The following CCDC50 variants were observed in gnomAD, a reference collection of about 807,000 sequenced individuals.
CCDC50 encodes coiled-coil domain containing 50.
A neutral mutation model predicts 70.2 loss-of-function variants in CCDC50; 54 were observed. That is an observed-to-expected ratio of 0.77 (90% CI 0.62 to 0.96). The LOEUF is 0.96. Ranked by LOEUF, CCDC50 falls within the 50% of genes least tolerant of loss-of-function variation. The probability of loss-of-function intolerance (pLI) is 0.00; values close to 1 mark genes in which losing one functional copy is unlikely to be tolerated. For synonymous variants in CCDC50, 216 were observed against 198.8 expected, an observed-to-expected ratio of 1.09 and a Z score of -0.73; for missense variants, 558 against 578.7, an observed-to-expected ratio of 0.96 and a Z score of 0.37.
Position 191,329,608 on chromosome 3 carries a change from G to C in CCDC50, c.-67G>C. 6.5e-7 allele frequency: 1 copy of C among 1,537,996 alleles called. No individual in the cohort carries two copies. The highest frequency in any genetic ancestry group is 8.8e-7 in the Non-Finnish European group (1 of 1,133,798). The stretch of plus-strand genomic sequence containing the variant: ...GTCCGGCGCTGCTGCTGCGCTCGGG[G>C]CCCCGCTCGGCGCCGGCGGTGACCG... On this transcript the variant is annotated 5_prime_UTR_variant, in exon 1 of 12. Transcript: ENST00000392455.
chr3:191,330,215 C>A (rs1012327527), intron 1 of CCDC50, among the ~76,000 whole-genome samples: 2 of 152,100 alleles, frequency 1.3e-5, no homozygotes, highest in Admixed American at 6.5e-5. Flanking sequence ...GACTTTCCCA[C>A]CTTCCTCAAG....
chr3:191,394,753 A>G lies in CCDC50; in HGVS notation c.*2993A>G, dbSNP rs1713808962. The G allele has an allele frequency of 1.3e-5, 2 of 152,196 alleles. No homozygotes were observed. The highest frequency in any genetic ancestry group is 4.1e-4 in the South Asian group (2 of 4,828). The allele number at this position is 152,196 out of a possible 1,614,324, so 9.4% of individuals were successfully genotyped here. A position where few individuals can be genotyped will look rare whatever the true frequency, so the allele number is the denominator to read the frequency against. ...TTGTTTGGAAGTAAAGTTAGATAAG[A>G]GTCAAATTAAATGTTTTGACTTGAA... On this transcript the variant is annotated 3_prime_UTR_variant, in exon 12 of 12. Transcript: ENST00000392455.
At chr3:191,343,717 T>C (rs964017213) in intron 1 of CCDC50, among the ~76,000 whole-genome samples, 1 of 152,236 alleles carries the variant, frequency 6.6e-6, no homozygotes, top group Non-Finnish European at 1.5e-5. Flanking sequence ...CATTTAACTT[T>C]CAGGGCCAGT....
chr3:191,379,490 T>C (rs1417713852), intron 6 of CCDC50, among the ~76,000 whole-genome samples: 1 of 152,126 alleles, frequency 6.6e-6, no homozygotes, highest in African/African-American at 2.4e-5. Context: ...TTTATAGGAA[T>C]AAATTGGAAT....
chr3:191,349,675 A>G lies in CCDC50; in HGVS notation c.50-7413A>G. ...CGGTAAAAGCCCAGACTTCACTACTAGACAGTATATCCATATAACTAAGCT... is the reference window on the plus strand; with the variant it reads ...CGGTAAAAGCCCAGACTTCACTACTGGACAGTATATCCATATAACTAAGCT... On this transcript the variant is annotated intron_variant, in intron 1 of 11. Transcript: ENST00000392455. Among the ~76,000 whole-genome samples, 2 of 141,874 alleles carry G rather than the reference A, an allele frequency of 1.4e-5. 1 individual carries two copies. Among genetic ancestry groups the G allele is most frequent in the Non-Finnish European group, 3.2e-5 (2 of 62,902 alleles). 93.1% of individuals were successfully genotyped at this position (141,874 alleles called of 152,430 possible).
intron 10 of CCDC50, among the ~76,000 whole-genome samples, chr3:191,384,022 A>G (rs1476143490): frequency 1.3e-5 from 2 of 152,176 alleles, no homozygotes; most frequent in Admixed American, 6.5e-5. Flanking sequence ...TCTTTAGAAT[A>G]CTAATACCAT....
intron 1 of CCDC50, among the ~76,000 whole-genome samples, chr3:191,352,289 C>T (rs1417716004): frequency 7.1e-6 from 1 of 141,450 alleles, no homozygotes; most frequent in Non-Finnish European, 1.6e-5. Context: ...CATACTATGC[C>T]ATTCATGTAT....
Position 191,375,078 on chromosome 3 carries a change from G to T in CCDC50, c.465G>T (p.Arg155Ser). 6.2e-7 allele frequency: 1 copy of T among 1,613,434 alleles called. No homozygotes were observed. ...TCCACTCAGACCAACCAGGGTCAAGGAGGGCCAGGGAATTGGGTTCTGGAT... is the reference window on the plus strand; with the variant it reads ...TCCACTCAGACCAACCAGGGTCAAGTAGGGCCAGGGAATTGGGTTCTGGAT... ...YYEDGDQPGS[R>S]RARELGSGFS... The change falls in exon 6 of 12, where the codon AGG becomes AGT. Residue 155 changes from arginine (R) to serine (S), a missense_variant. Arg to Ser is a moderately radical substitution (Grantham distance 110). Transcript: ENST00000392455.
intron 1 of CCDC50, among the ~76,000 whole-genome samples, chr3:191,342,766 G>A (rs998189601): frequency 6.6e-6 from 1 of 152,122 alleles, no homozygotes; most frequent in African/African-American, 2.4e-5. Context: ...AGGGATACAT[G>A]GAATAAAAAT....
Position 191,358,083 on chromosome 3 carries a change from T to A in CCDC50, c.198T>A (p.Asp66Glu), listed in dbSNP as rs1200646748. 1.2e-6 allele frequency: 2 copies of A among 1,613,930 alleles called. No homozygotes were observed. Among genetic ancestry groups the A allele is most frequent in the Middle Eastern group, 3.3e-4 (2 of 6,060 alleles). The part of the protein sequence containing the change: ...LQVAKQLQEE[D>E]LKAQAQLQKR... ...TGGCTAAGCAGCTCCAAGAGGAAGA[T>A]CTGAAAGCGCAGGCCCAGCTCCAGA... The change falls in exon 3 of 12, where the codon GAT (aspartate) becomes GAA (glutamate). Residue 66 changes from aspartate (D) to glutamate (E), a missense_variant. Transcript: ENST00000392455.
At chr3:191,375,022 T>C (rs1305228225) in intron 5 of CCDC50, 40 bp from the exon 6 acceptor site, 20 of 1,601,026 alleles carry the variant, frequency 1.2e-5, no homozygotes, top group Non-Finnish European at 1.7e-5. Flanking sequence ...ATTAAATTAA[T>C]CTGCATTTTT....
intron 5 of CCDC50, among the ~76,000 whole-genome samples, chr3:191,372,068 C>T (rs1377030243): frequency 6.6e-6 from 1 of 152,166 alleles, no homozygotes; most frequent in Non-Finnish European, 1.5e-5. Flanking sequence ...AAGCCTTATA[C>T]TGACTTGAAT....
intron 1 of CCDC50, among the ~76,000 whole-genome samples, chr3:191,346,526 T>C (rs1420244267): frequency 1.3e-5 from 2 of 152,204 alleles, no homozygotes; most frequent in Admixed American, 6.5e-5. Flanking sequence ...CGTTTGGGAC[T>C]TAACCTGTGC....
At chr3:191,363,678 G>A (rs1393683978) in intron 4 of CCDC50, among the ~76,000 whole-genome samples, 35 of 152,208 alleles carry the variant, frequency 2.3e-4, no homozygotes, top group Admixed American at 2.2e-3. Flanking sequence ...GTTTACACAC[G>A]TGTCATTACA....
Position 191,391,749 on chromosome 3 carries a change from T to C in CCDC50, c.1438T>C (p.Tyr480His). 8 of 1,612,984 alleles carry C rather than the reference T, an allele frequency of 5.0e-6. No individual in the cohort carries two copies. Among genetic ancestry groups the C allele is most frequent in the Non-Finnish European group, 6.8e-6 (8 of 1,179,254 alleles). ...TTTCTTCCCCTCCCCAGGTTTTCAT[T>C]ACAAACATTAAAAACCTAGGAATCT... is the stretch of plus-strand genomic sequence containing the variant. ...KSESSHKGFH[Y>H]KH Residue 480 changes from tyrosine (Y) to histidine (H), a missense_variant, in exon 12 of 12, where the codon TAC becomes CAC. Coordinates refer to ENST00000392455, the MANE Select transcript of CCDC50 (RefSeq NM_178335.3).
chr3:191,351,075 A>ACC (rs1712093182), intron 1 of CCDC50, among the ~76,000 whole-genome samples: 1 of 141,616 alleles, frequency 7.1e-6, no homozygotes, highest in South Asian at 2.2e-4. Flanking sequence ...AAAGACTCTT[A>ACC]CCCCATCACT....
chr3:191,338,280 A>T (rs1329393976), intron 1 of CCDC50, among the ~76,000 whole-genome samples: 2 of 152,222 alleles, frequency 1.3e-5, no homozygotes, highest in African/African-American at 4.8e-5. Context: ...TGAAAATATT[A>T]GGTTTTTCTT....
intron 4 of CCDC50, among the ~76,000 whole-genome samples, chr3:191,364,220 C>A (rs929207091): frequency 3.3e-5 from 5 of 152,058 alleles, no homozygotes; most frequent in Admixed American, 3.3e-4. Context: ...GGGCGCCTGG[C>A]ACCACGTCCG....
At chr3:191,336,693 C>T (rs372458830) in intron 1 of CCDC50, among the ~76,000 whole-genome samples, 3 of 152,166 alleles carry the variant, frequency 2.0e-5, no homozygotes, top group East Asian at 3.9e-4. Context: ...GAGATGGTTT[C>T]AGGAATCTGT....
Sources: allele counts gnomAD v4.1 joint callset (sites outside exome capture counted in the v4.1 genomes callset), GRCh38; gene constraint gnomAD v4.1.1; transcripts MANE v1.5; gene names NCBI Gene and HGNC (gene_info 2026-07-23, HGNC 2026-07-21).